Variants in STK32B observed in about 807,000 individuals in gnomAD.
The protein encoded by STK32B is serine/threonine kinase 32B, also known as serine/threonine-protein kinase 32B.
STK32B carries 43 observed loss-of-function variants against 52.6 expected under a neutral mutation model. The observed-to-expected ratio is 0.82, with a 90% confidence interval of 0.64 to 1.05. STK32B has a LOEUF of 1.05. Among genes scored for constraint, STK32B ranks in the 50% least tolerant of loss-of-function variants. STK32B has a pLI of 0.00. For missense variants in STK32B, 621 were observed against 534.6 expected (o/e 1.16, Z -1.59); for synonymous variants, 238 against 204.3 (o/e 1.17, Z -1.41).
intron 7 of STK32B, 180 bp downstream of exon 7, chr4:5,446,956 C>A: frequency 1.7e-6 from 1 of 580,280 alleles, no homozygotes; most frequent in Non-Finnish European, 3.1e-6. Flanking sequence ...ACTTCTGGTC[C>A]AACCCACTCA....
At chr4:5,121,855 C>T (rs1345734426) in intron 1 of STK32B, among the ~76,000 whole-genome samples, 1 of 152,164 alleles carries the variant, frequency 6.6e-6, no homozygotes, top group East Asian at 1.9e-4. Flanking sequence ...GTTCAGGAGA[C>T]TTGTCCTGGG....
intron 4 of STK32B, among the ~76,000 whole-genome samples, chr4:5,391,711 G>A (rs1355599705): frequency 6.6e-6 from 1 of 152,222 alleles, no homozygotes; most frequent in African/African-American, 2.4e-5. Flanking sequence ...TCTGGCCATT[G>A]GATCAGTGCT....
intron 2 of STK32B, among the ~76,000 whole-genome samples, chr4:5,164,427 C>T (rs1345021022): frequency 6.6e-6 from 1 of 152,208 alleles, no homozygotes; most frequent in Non-Finnish European, 1.5e-5. Context: ...CCAGGTTGAT[C>T]TCATCCTGAG....
intron 4 of STK32B, among the ~76,000 whole-genome samples, chr4:5,344,333 G>C (rs987731423): frequency 6.6e-6 from 1 of 152,146 alleles, no homozygotes; most frequent in African/African-American, 2.4e-5. Context: ...TGAAATGCCT[G>C]AAACCTATTA....
intron 11 of STK32B, among the ~76,000 whole-genome samples, chr4:5,477,859 G>C (rs1470102643): frequency 1.3e-5 from 2 of 152,142 alleles, no homozygotes; most frequent in African/African-American, 4.8e-5. Context: ...CAGAGTGTGT[G>C]GTGAGGACCC....
intron 4 of STK32B, among the ~76,000 whole-genome samples, chr4:5,353,541 C>T (rs1469794491): frequency 3.3e-5 from 4 of 122,030 alleles, no homozygotes; most frequent in African/African-American, 1.7e-4. Flanking sequence ...AGGAACTCAA[C>T]AGTAAAAAAA....
intron 4 of STK32B, among the ~76,000 whole-genome samples, chr4:5,384,013 G>T (rs925965489): frequency 1.3e-5 from 2 of 152,224 alleles, no homozygotes; most frequent in Admixed American, 6.5e-5. Context: ...ATCACAGGGA[G>T]AGAGGGAGGG....
the STK32B span, among the ~76,000 whole-genome samples, chr4:5,041,804 CT>C: frequency 0.55 from 82,557 of 149,582 alleles, 23,280 homozygotes; most frequent in East Asian, 0.86. Flanking sequence ...CAGCCTTTAT[CT>C]TTTTTTTTTT....
At chr4:5,169,247 A>C (rs1282763510) in intron 3 of STK32B, among the ~76,000 whole-genome samples, 1 of 152,170 alleles carries the variant, frequency 6.6e-6, no homozygotes, top group Non-Finnish European at 1.5e-5. Flanking sequence ...GTCCTCACAC[A>C]GAAATTGCTT....
At chr4:5,075,868 A>G (rs1712042036) in intron 1 of STK32B, among the ~76,000 whole-genome samples, 1 of 152,170 alleles carries the variant, frequency 6.6e-6, no homozygotes, top group Non-Finnish European at 1.5e-5. Flanking sequence ...TGCACAGTGC[A>G]GGGGTCCATG....
intron 3 of STK32B, among the ~76,000 whole-genome samples, chr4:5,190,661 CAG>C (rs1255609514): frequency 6.6e-6 from 1 of 152,152 alleles, no homozygotes; most frequent in Non-Finnish European, 1.5e-5. Context: ...TCATTATAAA[CAG>C]AGCTATAATT....
chr4:5,394,955 G>A lies in STK32B; in HGVS notation c.435-3252G>A, dbSNP rs995202324. ...GGGCTTAACTGGATCATCTGCATAGGATCTCACAAAACTACAATCCACATG... is the reference window on the plus strand; with the variant it reads ...GGGCTTAACTGGATCATCTGCATAGAATCTCACAAAACTACAATCCACATG... On this transcript the variant is annotated intron_variant, in intron 4 of 11. Transcript: ENST00000282908. This position sits in a 1 kb window ranked among gnomAD's most constrained non-coding sequence, Gnocchi z 4.2. Among the ~76,000 whole-genome samples the A allele has an allele frequency of 2.6e-5, 4 of 152,122 alleles. No homozygotes were observed. Among genetic ancestry groups the A allele is most frequent in the Admixed American group, 6.5e-5 (1 of 15,276 alleles).
the STK32B span, among the ~76,000 whole-genome samples, chr4:5,031,389 G>T: frequency 3.3e-5 from 5 of 152,040 alleles, no homozygotes; most frequent in Non-Finnish European, 5.9e-5. Context: ...TTTATTTAGA[G>T]GGTTTGAGGC....
intron 3 of STK32B, among the ~76,000 whole-genome samples, chr4:5,199,290 G>A (rs1309028464): frequency 2.6e-5 from 4 of 152,182 alleles, no homozygotes; most frequent in Non-Finnish European, 2.9e-5. Flanking sequence ...AAAGTAGAAG[G>A]ACTAATAAGG....
At chr4:5,209,709 C>T (rs1260340632) in intron 3 of STK32B, among the ~76,000 whole-genome samples, 3 of 152,238 alleles carry the variant, frequency 2.0e-5, no homozygotes, top group Admixed American at 2.0e-4. Context: ...GTGCTGGTCT[C>T]TGTGTTAGAT....
Position 5,139,897 on chromosome 4 carries a change from T to G in STK32B, c.53-8T>G, listed in dbSNP as rs772450934. 6 of 1,614,094 alleles carry G rather than the reference T, an allele frequency of 3.7e-6. No individual in the cohort carries two copies. The African/African-American group carries it at 8.0e-5, about 22-fold the overall frequency. On this transcript the variant is annotated splice_polypyrimidine_tract_variant and splice_region_variant and intron_variant, in intron 1 of 11. Transcript: ENST00000282908. ...CTGACTTGTTTCCTTTTTTGTTTTC[T>G]TTTGCAGTCAACTTTGACCATTTTC...
chr4:5,408,848 G>A (rs1393563686), intron 5 of STK32B, among the ~76,000 whole-genome samples: 1 of 152,150 alleles, frequency 6.6e-6, no homozygotes, highest in South Asian at 2.1e-4. Context: ...CCATGACCCA[G>A]GGTGGAGGCA....
intron 3 of STK32B, among the ~76,000 whole-genome samples, chr4:5,183,368 T>C (rs990456027): frequency 2.0e-5 from 3 of 151,776 alleles, no homozygotes; most frequent in African/African-American, 4.8e-5. Flanking sequence ...TCCCACCTAC[T>C]TGGGAGGCTG....
intron 1 of STK32B, among the ~76,000 whole-genome samples, chr4:5,087,322 G>A (rs1325752109): frequency 1.3e-5 from 2 of 151,772 alleles, no homozygotes; most frequent in African/African-American, 4.8e-5. Flanking sequence ...AAACCAAAAA[G>A]AAATTACTAA....
Sources: allele counts gnomAD v4.1 joint callset (sites outside exome capture counted in the v4.1 genomes callset), GRCh38; gene constraint gnomAD v4.1.1; non-coding constraint Gnocchi (gnomAD v3.1); transcripts MANE v1.5; gene names NCBI Gene and HGNC (gene_info 2026-07-23, HGNC 2026-07-21).